The following SHTN1 variants were observed in gnomAD, a reference collection of about 807,000 sequenced individuals.
SHTN1 encodes the protein shootin 1.
SHTN1 carries 42 observed loss-of-function variants against 83.1 expected under a neutral mutation model. That is an observed-to-expected ratio of 0.51 (90% confidence interval 0.39 to 0.65). The LOEUF (loss-of-function observed/expected upper bound fraction) is 0.65, where lower values mean the gene tolerates loss of function less well. Ranked by LOEUF, SHTN1 falls within the 30% of genes least tolerant of loss-of-function variation. The pLI is 0.00. For synonymous variants in SHTN1, 224 were observed against 247.7 expected, an observed-to-expected ratio of 0.90 and a Z score of 0.90; for missense variants, 622 against 737.8, an observed-to-expected ratio of 0.84 and a Z score of 1.82.
intron 1 of SHTN1, among the ~76,000 whole-genome samples, chr10:117,113,419 A>C (rs1853795695): frequency 6.6e-6 from 1 of 152,204 alleles, no homozygotes; most frequent in African/African-American, 2.4e-5. Context: ...ATTAGGTCTC[A>C]AGGACATGAC....
In SHTN1 at chr10:116,918,181, G is replaced by A. The variant is rs147682190; in HGVS notation, c.1196-2697C>T. On this transcript the variant is annotated intron_variant, in intron 12 of 16. Coordinates refer to ENST00000355371, the MANE Select transcript of SHTN1 (RefSeq NM_001127211.3). ...GAAAAGGGACAAATGAAGACAACAG[G>A]TCTAATGTTATTGAACTGCCACAGG... Among the ~76,000 whole-genome samples the A allele has an allele frequency of 7.9e-5, 12 of 152,224 alleles. No homozygotes were observed. The East Asian group carries it at 1.9e-3, about 25-fold the overall frequency.
At chr10:116,994,829 T>C (rs1197597802) in intron 1 of SHTN1, among the ~76,000 whole-genome samples, 2 of 149,750 alleles carry the variant, frequency 1.3e-5, no homozygotes, top group African/African-American at 2.5e-5. Flanking sequence ...AACTTTAGGA[T>C]TTCCAGAGGG....
chr10:116,986,005 G>A (rs909409494), intron 1 of SHTN1, among the ~76,000 whole-genome samples: 4 of 151,966 alleles, frequency 2.6e-5, no homozygotes, highest in Admixed American at 2.0e-4. Context: ...AAGAAATTAC[G>A]GCAAACCAGA....
intron 1 of SHTN1, among the ~76,000 whole-genome samples, chr10:117,104,132 T>C (rs1055030857): frequency 4.6e-5 from 7 of 152,150 alleles, no homozygotes; most frequent in Admixed American, 2.0e-4. Flanking sequence ...ATTTTTAGCA[T>C]GATTTTTTTT....
At chr10:116,989,411 G>A (rs1465839344) in intron 1 of SHTN1, among the ~76,000 whole-genome samples, 1 of 152,036 alleles carries the variant, frequency 6.6e-6, no homozygotes, top group African/African-American at 2.4e-5. Context: ...ACAAAAAACA[G>A]AATATTTCTC....
chr10:116,962,468 A>T (rs575216611), intron 3 of SHTN1, among the ~76,000 whole-genome samples: 1 of 152,240 alleles, frequency 6.6e-6, no homozygotes, highest in East Asian at 1.9e-4. Flanking sequence ...TAACTACTTG[A>T]CATCTTCTGC....
chr10:117,105,322 A>G (rs1487997293), intron 1 of SHTN1, among the ~76,000 whole-genome samples: 1 of 152,262 alleles, frequency 6.6e-6, no homozygotes, highest in African/African-American at 2.4e-5. Context: ...AGCAAATGCT[A>G]TATAATAATT....
chr10:116,963,110 G>C (rs200474928), intron 3 of SHTN1, among the ~76,000 whole-genome samples: 3 of 109,024 alleles, frequency 2.8e-5, no homozygotes, highest in East Asian at 2.7e-4. Flanking sequence ...CTCGCTCTGT[G>C]GCCCAGGCTG....
chr10:117,124,279 T>C (rs1228370748), intron 1 of SHTN1, among the ~76,000 whole-genome samples: 1 of 150,994 alleles, frequency 6.6e-6, no homozygotes, highest in Non-Finnish European at 1.5e-5. Flanking sequence ...TGGGGGTTAA[T>C]GAGCCTCAGG....
At chr10:116,957,177 T>C (rs1850013645) in intron 4 of SHTN1, among the ~76,000 whole-genome samples, 3 of 152,046 alleles carry the variant, frequency 2.0e-5, no homozygotes, top group Admixed American at 6.6e-5. Flanking sequence ...ATTGTAGCTA[T>C]TCATCAAGCT....
At chr10:117,084,873 C>T (rs891037379) in intron 1 of SHTN1, among the ~76,000 whole-genome samples, 44 of 151,716 alleles carry the variant, frequency 2.9e-4, no homozygotes, top group Non-Finnish European at 5.8e-4. Context: ...CCGAGTGAGG[C>T]AATGCCTCGC....
In SHTN1 at chr10:117,102,940, T is replaced by G. The variant is rs1678056; in HGVS notation, c.-189+23367A>C. ...GATTAAAAGGCAAAGACACGAGTGC[T>G]CCACAAATCAGAACCAGGTGAAGCT... On this transcript the variant is annotated intron_variant, in intron 1 of 17. Transcript: ENST00000392901. Among the ~76,000 whole-genome samples the G allele has an allele frequency of 4.1e-3, 623 of 152,306 alleles. 3 individuals carry two copies. The highest frequency in any genetic ancestry group is 0.015 in the African/African-American group (607 of 41,562).
In SHTN1 at chr10:117,094,791, A is replaced by G. The variant is rs1444317366; in HGVS notation, c.-189+31516T>C. On this transcript the variant is annotated intron_variant, in intron 1 of 17. Transcript: ENST00000392901. ...AGATAAAAGCTGTCAAAATTAATTA[A>G]GCACATATTCATTAAATCCAAGGTA... Among the ~76,000 whole-genome samples, 4 of 152,366 alleles carry G rather than the reference A, an allele frequency of 2.6e-5. 1 individual carries two copies. The East Asian group carries it at 7.7e-4, about 29-fold the overall frequency.
At chr10:117,072,943 T>C (rs962420155) in intron 1 of SHTN1, among the ~76,000 whole-genome samples, 9 of 151,856 alleles carry the variant, frequency 5.9e-5, no homozygotes, top group African/African-American at 1.7e-4. Context: ...CAAAGCCCAA[T>C]GCAAGGAAAT....
intron 2 of SHTN1, among the ~76,000 whole-genome samples, chr10:117,038,649 A>G (rs1852537730): frequency 6.6e-6 from 1 of 152,324 alleles, no homozygotes; most frequent in African/African-American, 2.4e-5. Flanking sequence ...ATAAGAAAAC[A>G]AACAACTCAG....
chr10:116,986,178 C>G (rs556457151), intron 1 of SHTN1, among the ~76,000 whole-genome samples: 1 of 152,268 alleles, frequency 6.6e-6, no homozygotes, highest in African/African-American at 2.4e-5. Flanking sequence ...TCTGGTCTGT[C>G]ATGTAAGGAG....
chr10:116,997,664 CATT>C (rs1436207032), intron 1 of SHTN1, among the ~76,000 whole-genome samples: 3 of 152,288 alleles, frequency 2.0e-5, no homozygotes, highest in South Asian at 2.1e-4. Flanking sequence ...ATGCTATCAT[CATT>C]GTTGATGTTG....
chr10:116,949,088 T>G, intron 6 of SHTN1, 91 bp from the exon 7 acceptor site: 5 of 1,291,636 alleles, frequency 3.9e-6, no homozygotes, highest in Non-Finnish European at 5.0e-6. Flanking sequence ...TGTTCAACTT[T>G]CAACATGAAG....
intron 1 of SHTN1, among the ~76,000 whole-genome samples, chr10:117,093,088 T>C (rs1011216453): frequency 6.6e-6 from 1 of 152,210 alleles, no homozygotes; most frequent in African/African-American, 2.4e-5. Flanking sequence ...TCATTATATC[T>C]ACTATCATTA....
Sources: allele counts gnomAD v4.1 joint callset (sites outside exome capture counted in the v4.1 genomes callset), GRCh38; gene constraint gnomAD v4.1.1; transcripts MANE v1.5; gene names NCBI Gene and HGNC (gene_info 2026-07-23, HGNC 2026-07-21).